C17orf75: variants seen among roughly 807,000 people sequenced by gnomAD.
The protein encoded by C17orf75 is protein Njmu-R1.
A neutral mutation model predicts 49.6 loss-of-function variants in C17orf75; 32 were observed. The ratio of observed to expected loss-of-function variants is 0.65; its 90% confidence interval spans 0.49 to 0.87. The LOEUF is 0.87. Ranked by LOEUF, C17orf75 falls within the 40% of genes least tolerant of loss-of-function variation. The pLI, the probability that C17orf75 is intolerant of heterozygous loss-of-function variation, is 0.00. For synonymous variants in C17orf75, 158 were observed against 159.5 expected, an observed-to-expected ratio of 0.99 and a Z score of 0.07; for missense variants, 428 against 473.9, an observed-to-expected ratio of 0.90 and a Z score of 0.90.
At position 32,339,864 on chromosome 17, in the gene C17orf75, G is replaced by A. The variant is rs750531789; in HGVS notation, c.296C>T (p.Ser99Leu). The A allele has an allele frequency of 4.3e-6, 7 of 1,613,882 alleles. No individual in the cohort carries two copies. The South Asian group carries it at 5.5e-5, about 13-fold the overall frequency. The change falls in exon 3 of 10, where the codon TCA (serine) becomes TTA (leucine). Residue 99 changes from serine (S) to leucine (L), a missense_variant. Ser to Leu is a moderately radical substitution (Grantham distance 145). Coordinates refer to ENST00000577809, the MANE Select transcript of C17orf75 (RefSeq NM_022344.4). Reference protein sequence around the residue: ...ELRSFIAKRLSRGAVFEGLGN... With the variant: ...ELRSFIAKRLLRGAVFEGLGN... ...CAGCCCTTCAAAGACTGCACCTCTTGAAAGACGCTTAGCAATGAAACTGCG... is the reference window on the plus strand; with the variant it reads ...CAGCCCTTCAAAGACTGCACCTCTTAAAAGACGCTTAGCAATGAAACTGCG...
intron 1 of C17orf75, chr17:32,341,796 C>T: frequency 9.5e-7 from 1 of 1,056,462 alleles, no homozygotes; most frequent in Non-Finnish European, 1.1e-6. Context: ...TTGGGCCAGG[C>T]ATACAAGTCC....
chr17:32,341,761 G>A (rs1231501670), intron 1 of C17orf75: 3 of 1,006,940 alleles, frequency 3.0e-6, no homozygotes, highest in East Asian at 8.5e-5. Flanking sequence ...GATGATATAG[G>A]GGCAGATGAA....
In C17orf75 at chr17:32,338,345, T is replaced by C; in HGVS notation, c.354A>G (p.Pro118=). The change falls in exon 4 of 10, where the codon CCA becomes CCG. Residue 118 remains proline, a synonymous_variant. Transcript: ENST00000577809. Reference sequence around the variant, plus strand: ...AGTAATAACAACCAACTCGGTAACCTGGAATTCTAGAAAAGAAAGAAAATG... The same window carrying C: ...AGTAATAACAACCAACTCGGTAACCCGGAATTCTAGAAAAGAAAGAAAATG... ...GNVASVELKI[P]GYRVGCYYCL... 1 of 1,597,018 alleles carries C rather than the reference T, an allele frequency of 6.3e-7. No homozygotes were observed. Among genetic ancestry groups the C allele is most frequent in the Non-Finnish European group, 8.5e-7 (1 of 1,175,818 alleles).
At chr17:32,346,692 C>A (rs1401286368), upstream of C17orf75, among the ~76,000 whole-genome samples, 1 of 152,070 alleles carries the variant, frequency 6.6e-6, no homozygotes, top group Non-Finnish European at 1.5e-5. Context: ...CCTGCCTCAG[C>A]CTCCCGAGTA....
intron 1 of C17orf75, among the ~76,000 whole-genome samples, chr17:32,348,865 G>GTTTTTTTTTTTT (rs1567807385): frequency 2.0e-5 from 1 of 49,508 alleles, no homozygotes; most frequent in Non-Finnish European, 4.1e-5. Flanking sequence ...GACAGCTCCA[G>GTTTTTTTTTTTT]TCTTTTTTTT....
chr17:32,332,408 T>C (rs2041284033), intron 9 of C17orf75, among the ~76,000 whole-genome samples: 1 of 152,116 alleles, frequency 6.6e-6, no homozygotes, highest in East Asian at 1.9e-4. Flanking sequence ...TCCCAAAGTG[T>C]TGGAATTACA....
chr17:32,341,935 G>A (rs2041384398), intron 1 of C17orf75, 65 bp downstream of exon 1: 26 of 1,219,382 alleles, frequency 2.1e-5, no homozygotes, highest in African/African-American at 4.8e-5. Flanking sequence ...TGCAAGGCCG[G>A]GCGGCGGGCC....
chr17:32,343,114 C>A (rs561147970), upstream of C17orf75, among the ~76,000 whole-genome samples: 79 of 152,240 alleles, frequency 5.2e-4, no homozygotes, highest in Non-Finnish European at 9.6e-4. Context: ...TATCTACAAA[C>A]CAAGGAATGT....
At position 32,331,558 on chromosome 17, in the gene C17orf75, A is replaced by G. The variant is rs2150772927; in HGVS notation, c.*205T>C. 1 of 469,254 alleles carries G rather than the reference A, an allele frequency of 2.1e-6. No individual in the cohort carries two copies. Among genetic ancestry groups the G allele is most frequent in the South Asian group, 4.3e-5 (1 of 23,394 alleles). The allele number at this position is 469,254 out of a possible 1,614,324, so 29.1% of individuals were successfully genotyped here. On this transcript the variant is annotated 3_prime_UTR_variant, in exon 10 of 10. Coordinates refer to ENST00000577809, the MANE Select transcript of C17orf75 (RefSeq NM_022344.4). ...GCCAGTGAGACACTAAAATTTCACA[A>G]CTCTCACATACATTATCTATCTAGG...
chr17:32,329,839 GT>G lies in C17orf75; in HGVS notation c.*1923del, dbSNP rs1366367419. The G allele has an allele frequency of 6.6e-6, 1 of 152,088 alleles. No homozygotes were observed. The highest frequency in any genetic ancestry group is 1.5e-5 in the Non-Finnish European group (1 of 67,992). 9.4% of individuals were successfully genotyped at this position (152,088 alleles called of 1,614,324 possible). A position where few individuals can be genotyped will look rare whatever the true frequency, so the allele number is the denominator to read the frequency against. ...GTCATAAAATTGCTGGTTTTCCTTA[GT>G]CACCCTGACTTTATTTTTTTGAGAC... On this transcript the variant is annotated 3_prime_UTR_variant, in exon 10 of 10. Coordinates refer to ENST00000577809, the MANE Select transcript of C17orf75 (RefSeq NM_022344.4).
In C17orf75 at chr17:32,339,864, G is replaced by C; in HGVS notation, c.296C>G (p.Ser99Ter). 6.2e-7 allele frequency: 1 copy of C among 1,614,000 alleles called. No individual in the cohort carries two copies. The highest frequency in any genetic ancestry group is 8.5e-7 in the Non-Finnish European group (1 of 1,179,888). The change falls in exon 3 of 10, where the codon TCA (serine) becomes TGA (stop). Residue 99 changes from serine to a stop codon, truncating the protein, a stop_gained. Transcript: ENST00000577809. LOFTEE classifies it high-confidence loss of function. Reference protein sequence around the residue: ...ELRSFIAKRLSRGAVFEGLGN... With the variant: ...ELRSFIAKRL ...CAGCCCTTCAAAGACTGCACCTCTT[G>C]AAAGACGCTTAGCAATGAAACTGCG... is the stretch of plus-strand genomic sequence containing the variant.
intron 1 of C17orf75, among the ~76,000 whole-genome samples, chr17:32,348,867 C>CTTTTTTTTTTTTTTTTTTTTTTT (rs561014138): frequency 9.2e-6 from 1 of 108,848 alleles, no homozygotes; most frequent in Non-Finnish European, 1.8e-5. Flanking sequence ...CAGCTCCAGT[C>CTTTTTTTTTTTTTTTTTTTTTTT]TTTTTTTTTT....
chr17:32,332,836 G>A (rs1219235992), intron 9 of C17orf75, among the ~76,000 whole-genome samples: 1 of 151,874 alleles, frequency 6.6e-6, no homozygotes, highest in African/African-American at 2.4e-5. Flanking sequence ...TTTAGACAGA[G>A]TCTCACTCTG....
rs551478621 is a variant in C17orf75 at position 32,337,922 on chromosome 17, C to T, written c.524G>A (p.Gly175Glu). ...CTCACAATTCATGTTATTTTTCAGC[C>T]CTTGAATGTACTTGTCCAATTCAAG... Reference protein sequence around the residue: ...FRLELDKYIQGLKNNMNCEAR... With the variant: ...FRLELDKYIQELKNNMNCEAR... The change falls in exon 5 of 10, where the codon GGG (glycine) becomes GAG (glutamate). Residue 175 changes from glycine to glutamate, a missense_variant. Physicochemically the swap from Gly to Glu is moderately conservative, Grantham distance 98 (BLOSUM62 -2). Coordinates refer to ENST00000577809, the MANE Select transcript of C17orf75 (RefSeq NM_022344.4). 4.4e-6 allele frequency: 7 copies of T among 1,605,734 alleles called. No homozygotes were observed. In the African/African-American group the frequency reaches 5.3e-5, roughly 12 times the overall value.
chr17:32,332,461 T>C (rs1221308444), intron 9 of C17orf75, among the ~76,000 whole-genome samples: 1 of 152,048 alleles, frequency 6.6e-6, no homozygotes, highest in East Asian at 1.9e-4. Flanking sequence ...TTATACAAAA[T>C]AAAAATACTT....
chr17:32,334,548 C>T lies in C17orf75; in HGVS notation c.792G>A (p.Leu264=). The T allele has an allele frequency of 1.2e-6, 2 of 1,612,152 alleles. No homozygotes were observed. Among genetic ancestry groups the T allele is most frequent in the South Asian group, 1.1e-5 (1 of 90,588 alleles). Residue 264 remains leucine (L), a synonymous_variant, in exon 8 of 10, where the codon TTG becomes TTA. Transcript: ENST00000577809. The part of the protein sequence containing the change: ...GLIHEGTMTS[L]CMAMTEEQHK... The stretch of plus-strand genomic sequence containing the variant: ...GCTGCTCCTCTGTCATGGCCATGCA[C>T]AAAGAAGTCATGGTGCCTTCATGAA...
At position 32,331,491 on chromosome 17, in the gene C17orf75, A is replaced by AAT. The variant is rs1408388310; in HGVS notation, c.*270_*271dup. 5 of 317,604 alleles carry AAT rather than the reference A, an allele frequency of 1.6e-5. No individual in the cohort carries two copies. The highest frequency in any genetic ancestry group is 1.1e-4 in the African/African-American group (5 of 46,928). The allele number at this position is 317,604 out of a possible 1,614,324, so 19.7% of individuals were successfully genotyped here. On this transcript the variant is annotated 3_prime_UTR_variant, in exon 10 of 10. Transcript: ENST00000577809. Reference sequence around the variant, plus strand: ...AAGCCACAAACAAAATCATCTCTGAAATTTTTTAAGCAACAACTTCCTGAA... The same window carrying AAT: ...AAGCCACAAACAAAATCATCTCTGAAATATTTTTTAAGCAACAACTTCCTGAA...
Position 32,342,159 on chromosome 17 carries a change from C to A in C17orf75, c.-20G>T. 1 of 1,570,450 alleles carries A rather than the reference C, an allele frequency of 6.4e-7. No homozygotes were observed. The highest frequency in any genetic ancestry group is 8.6e-7 in the Non-Finnish European group (1 of 1,159,566). ...GAGCATTGCGGCGGCCTCTGAGCGG[C>A]CCTGTGTCTCCGCCAAACCGCTCCC... On this transcript the variant is annotated 5_prime_UTR_variant, in exon 1 of 10. Coordinates refer to ENST00000577809, the MANE Select transcript of C17orf75 (RefSeq NM_022344.4).
upstream of C17orf75, chr17:32,342,384 A>G: frequency 2.1e-6 from 1 of 466,244 alleles, no homozygotes; most frequent in South Asian, 5.5e-5. Context: ...TTTTCCTTTG[A>G]GACATCTGGG....
Sources: gnomAD v4.1 joint callset for allele counts (sites outside exome capture counted in the v4.1 genomes callset) on GRCh38, gnomAD v4.1.1 for gene constraint, MANE v1.5 for transcripts, NCBI Gene and HGNC (gene_info 2026-07-23, HGNC 2026-07-21) for gene names.